EIF4G3: variants seen among roughly 807,000 people sequenced by gnomAD.
The protein encoded by EIF4G3 is eIF-4-gamma 3.
In EIF4G3, 34 loss-of-function variants were observed where a neutral mutation model predicts 186.4. That is an observed-to-expected ratio of 0.18 (90% CI 0.14 to 0.24). The LOEUF (loss-of-function observed/expected upper bound fraction) is 0.24. EIF4G3 is among the 10% of genes least tolerant of loss of function. EIF4G3 has a pLI of 1.00. For synonymous variants in EIF4G3, 673 were observed against 679.5 expected, an observed-to-expected ratio of 0.99 and a Z score of 0.15; for missense variants, 1,536 against 1,948.5, an observed-to-expected ratio of 0.79 and a Z score of 3.99.
chr1:20,822,653 G>A (rs941801850), intron 33 of EIF4G3, among the ~76,000 whole-genome samples: 5 of 150,340 alleles, frequency 3.3e-5, no homozygotes, highest in African/African-American at 1.2e-4. Flanking sequence ...CAAGCTCCTG[G>A]GCTCAAGCAA....
Position 21,002,771 on chromosome 1 carries a change from G to A in EIF4G3, c.-29C>T, listed in dbSNP as rs373369546. On this transcript the variant is annotated 5_prime_UTR_variant, in exon 5 of 37. In the 5' UTR this introduces an upstream ATG that the reference lacks. Transcript: ENST00000602326. ...CTGAGGGGTTTGAGGGTATACCAGC[G>A]TGGTTGGACCTGCATTCTGTCCAGA... 2.4e-5 allele frequency: 38 copies of A among 1,613,658 alleles called. No homozygotes were observed. The Admixed American group carries it at 3.7e-4, about 16-fold the overall frequency.
intron 13 of EIF4G3, among the ~76,000 whole-genome samples, chr1:20,946,510 C>T (rs1292548372): frequency 6.6e-6 from 1 of 152,130 alleles, no homozygotes; most frequent in Non-Finnish European, 1.5e-5. Flanking sequence ...TTGTCTGGAA[C>T]CTTGGCCTTC....
chr1:20,887,304 T>C (rs1025782439), intron 18 of EIF4G3, among the ~76,000 whole-genome samples: 3 of 151,866 alleles, frequency 2.0e-5, no homozygotes, highest in Non-Finnish European at 4.4e-5. Flanking sequence ...AAAGCACACA[T>C]AGATGAGAAT....
At chr1:21,034,243 T>C (rs1362163446) in intron 4 of EIF4G3, among the ~76,000 whole-genome samples, 2 of 152,138 alleles carry the variant, frequency 1.3e-5, no homozygotes, top group Non-Finnish European at 2.9e-5. Flanking sequence ...TACTTGAAAA[T>C]AAAAAAGGCT....
intron 20 of EIF4G3, among the ~76,000 whole-genome samples, chr1:20,866,439 AGGAAGAGG>A (rs1557991039): frequency 6.6e-6 from 1 of 152,220 alleles, no homozygotes; most frequent in Non-Finnish European, 1.5e-5. Flanking sequence ...ACATTATCTT[AGGAAGAGG>A]GGAACATTTT....
At chr1:20,834,432 T>C (rs931960043) in intron 30 of EIF4G3, among the ~76,000 whole-genome samples, 1 of 151,934 alleles carries the variant, frequency 6.6e-6, no homozygotes, top group Non-Finnish European at 1.5e-5. Flanking sequence ...AGTGTGACTC[T>C]CACAAAATCT....
intron 14 of EIF4G3, among the ~76,000 whole-genome samples, chr1:20,906,845 C>A (rs1275552369): frequency 1.3e-5 from 2 of 151,924 alleles, no homozygotes; most frequent in African/African-American, 4.8e-5. Context: ...CACACACACA[C>A]CCCTAATGCC....
intron 4 of EIF4G3, among the ~76,000 whole-genome samples, chr1:21,041,989 CTTT>C (rs762068508): frequency 3.5e-5 from 5 of 142,044 alleles, no homozygotes; most frequent in Non-Finnish European, 4.6e-5. Flanking sequence ...CTTTTCTTTT[CTTT>C]TTTTTTTTTT....
intron 2 of EIF4G3, among the ~76,000 whole-genome samples, chr1:21,173,617 G>T (rs549649723): frequency 1.3e-5 from 2 of 152,118 alleles, no homozygotes; most frequent in African/African-American, 4.8e-5. Flanking sequence ...GAATCCAGCC[G>T]GCGTAGGTTG....
At chr1:21,097,550 A>C (rs562373679) in intron 2 of EIF4G3, among the ~76,000 whole-genome samples, 1 of 152,354 alleles carries the variant, frequency 6.6e-6, no homozygotes, top group African/African-American at 2.4e-5. Flanking sequence ...GGCATTAGAC[A>C]AAACATTCCA....
At chr1:20,894,323 T>C (rs2087162469) in intron 17 of EIF4G3, among the ~76,000 whole-genome samples, 1 of 152,192 alleles carries the variant, frequency 6.6e-6, no homozygotes, top group Non-Finnish European at 1.5e-5. Flanking sequence ...TTGAATTTGG[T>C]GGATATAACA....
At chr1:20,998,732 T>A (rs1005842989) in intron 6 of EIF4G3, 1 of 266,588 alleles carries the variant, frequency 3.8e-6, no homozygotes, top group African/African-American at 2.2e-5. Flanking sequence ...CCGGGGTATG[T>A]AGAGCCATAT....
Position 20,918,168 on chromosome 1 carries a change from A to ACAC in EIF4G3, c.1664-13200_1664-13198dup, listed in dbSNP as rs146287859. Among the ~76,000 whole-genome samples, 1,435 of 152,242 alleles carry ACAC rather than the reference A, an allele frequency of 9.4e-3. 19 individuals are homozygous for ACAC. The highest frequency in any genetic ancestry group is 0.032 in the African/African-American group (1,341 of 41,552). Reference sequence around the variant, plus strand: ...CTCTGTGTCTGATATATAGTCTTCTACACCATCATGGCTCATACAAATAAT... The same window carrying ACAC: ...CTCTGTGTCTGATATATAGTCTTCTACACCACCATCATGGCTCATACAAATAAT... On this transcript the variant is annotated intron_variant, in intron 14 of 36. Transcript: ENST00000602326.
chr1:20,895,654 T>C (rs2087720129), intron 16 of EIF4G3, among the ~76,000 whole-genome samples, 153 bp from the exon 17 acceptor site: 1 of 152,200 alleles, frequency 6.6e-6, no homozygotes, highest in Non-Finnish European at 1.5e-5. Context: ...AAGGTTCCTA[T>C]TGCCTAATGA....
rs2097274777 is a variant in EIF4G3 at position 21,137,933 on chromosome 1, A to C, written c.-272+38242T>G. The stretch of plus-strand genomic sequence containing the variant: ...AATATTTTTAAAAAGCAAACAAAGA[A>C]AAGACCTACGCTCTCAGAATCCTAA... On this transcript the variant is annotated intron_variant, in intron 2 of 36. Transcript: ENST00000602326. 2.0e-5 allele frequency among the ~76,000 whole-genome samples: 3 copies of C among 152,210 alleles called. No individual in the cohort carries two copies. In the South Asian group the frequency reaches 6.2e-4, roughly 32 times the overall value.
intron 2 of EIF4G3, among the ~76,000 whole-genome samples, chr1:21,134,564 G>A (rs1175711350): frequency 2.6e-5 from 4 of 152,130 alleles, no homozygotes; most frequent in Non-Finnish European, 4.4e-5. Context: ...CAGCTACTCG[G>A]GCGCTGATTC....
intron 21 of EIF4G3, among the ~76,000 whole-genome samples, 179 bp downstream of exon 21, chr1:20,864,937 A>G (rs3816455): frequency 0.4 from 60,444 of 151,910 alleles, 12,665 homozygotes; most frequent in East Asian, 0.51. Context: ...TGTCCCCTAT[A>G]TTAGGCACTA....
intron 35 of EIF4G3, among the ~76,000 whole-genome samples, chr1:20,811,855 A>G (rs2059304257): frequency 2.8e-5 from 1 of 36,254 alleles, no homozygotes; most frequent in African/African-American, 6.9e-5. Flanking sequence ...ATTTAAAAAA[A>G]GCAACATAAA....
chr1:21,063,676 G>A (rs10916929), intron 3 of EIF4G3, among the ~76,000 whole-genome samples: 4,228 of 120,218 alleles, frequency 0.035, 231 homozygotes, highest in African/African-American at 0.12. Flanking sequence ...ACAACATCAC[G>A]GATGTTTTTC....
Sources: gnomAD v4.1 joint callset for allele counts (sites outside exome capture counted in the v4.1 genomes callset) on GRCh38, gnomAD v4.1.1 for gene constraint, MANE v1.5 for transcripts, NCBI Gene and HGNC (gene_info 2026-07-23, HGNC 2026-07-21) for gene names.